The following GRK3 variants were observed in gnomAD, a reference collection of about 807,000 sequenced individuals.
GRK3 encodes the protein G protein-coupled receptor kinase 3.
Under a neutral mutation model 95.7 loss-of-function variants are expected in GRK3, and 54 were observed. That is an observed-to-expected ratio of 0.56 (90% CI 0.45 to 0.71). GRK3 has a LOEUF of 0.71. Ranked by LOEUF, GRK3 falls within the 30% of genes least tolerant of loss-of-function variation. GRK3 has a pLI of 0.00. For missense variants in GRK3, 649 were observed against 851.2 expected (o/e 0.76, Z 2.96); for synonymous variants, 281 against 290.8 (o/e 0.97, Z 0.34).
chr22:25,621,329 C>G (rs2084584655), intron 2 of GRK3, among the ~76,000 whole-genome samples: 1 of 152,196 alleles, frequency 6.6e-6, no homozygotes, highest in Non-Finnish European at 1.5e-5. Flanking sequence ...TTATGGGCAC[C>G]TTACTCACTT....
At chr22:25,642,492 T>C (rs761041994) in intron 2 of GRK3, among the ~76,000 whole-genome samples, 2 of 152,146 alleles carry the variant, frequency 1.3e-5, no homozygotes, top group Non-Finnish European at 2.9e-5. Context: ...GATGATCTTT[T>C]ATTTCTATGG....
At chr22:25,653,520 C>T (rs904970450) in intron 3 of GRK3, among the ~76,000 whole-genome samples, 1 of 152,110 alleles carries the variant, frequency 6.6e-6, no homozygotes, top group Non-Finnish European at 1.5e-5. Context: ...CAAAAATTGG[C>T]AGATATAAAA....
chr22:25,692,760 T>G (rs2085175237), intron 12 of GRK3, among the ~76,000 whole-genome samples: 1 of 152,264 alleles, frequency 6.6e-6, no homozygotes, highest in Non-Finnish European at 1.5e-5. Flanking sequence ...ACATGGCTGG[T>G]ATGCCATGGG....
chr22:25,710,236 A>G (rs983512891), intron 16 of GRK3, among the ~76,000 whole-genome samples: 1 of 152,252 alleles, frequency 6.6e-6, no homozygotes, highest in African/African-American at 2.4e-5. Context: ...ATCAACTAAT[A>G]AAAGGTAAAA....
At chr22:25,601,074 A>G (rs900416927) in intron 1 of GRK3, among the ~76,000 whole-genome samples, 3 of 152,212 alleles carry the variant, frequency 2.0e-5, no homozygotes. Flanking sequence ...GACGGTTTCA[A>G]CACTCCTCTC....
chr22:25,614,308 A>AT (rs1335547181), intron 2 of GRK3, among the ~76,000 whole-genome samples: 1 of 151,940 alleles, frequency 6.6e-6, no homozygotes, highest in Non-Finnish European at 1.5e-5. Flanking sequence ...TAATTTTTGT[A>AT]TTTTTTGTAG....
intron 3 of GRK3, among the ~76,000 whole-genome samples, chr22:25,654,819 A>AT (rs1391391783): frequency 6.6e-6 from 1 of 152,104 alleles, no homozygotes; most frequent in Non-Finnish European, 1.5e-5. Flanking sequence ...AACTTGAAGC[A>AT]TTGGTGTTTC....
intron 9 of GRK3, among the ~76,000 whole-genome samples, chr22:25,680,734 T>A (rs1357038114): frequency 6.6e-6 from 1 of 152,170 alleles, no homozygotes; most frequent in Non-Finnish European, 1.5e-5. Context: ...TTTTTAAAAT[T>A]TATAAATGCA....
At chr22:25,610,577 A>G (rs747521695) in intron 2 of GRK3, among the ~76,000 whole-genome samples, 2 of 152,184 alleles carry the variant, frequency 1.3e-5, no homozygotes, top group Non-Finnish European at 2.9e-5. Flanking sequence ...ACCACAATAC[A>G]ATTTAAAAAC....
At chr22:25,642,094 A>T (rs922486227) in intron 2 of GRK3, among the ~76,000 whole-genome samples, 1 of 152,250 alleles carries the variant, frequency 6.6e-6, no homozygotes, top group Non-Finnish European at 1.5e-5. Flanking sequence ...CAAATCTACA[A>T]TTACAAATGG....
At chr22:25,687,503 C>T (rs749682411) in intron 10 of GRK3, 34 bp from the exon 11 acceptor site, 1 of 1,607,746 alleles carries the variant, frequency 6.2e-7, no homozygotes, top group Non-Finnish European at 8.5e-7. Flanking sequence ...TTTAAATTAA[C>T]ATGCTTTGAA....
intron 1 of GRK3, among the ~76,000 whole-genome samples, chr22:25,596,204 AT>A (rs2084371462): frequency 6.6e-6 from 1 of 152,226 alleles, no homozygotes; most frequent in African/African-American, 2.4e-5. Context: ...AAGAGTATTC[AT>A]GGGGAAAAAT....
chr22:25,640,966 C>T (rs770794104), intron 2 of GRK3, among the ~76,000 whole-genome samples: 10 of 152,060 alleles, frequency 6.6e-5, no homozygotes, highest in Admixed American at 2.0e-4. Context: ...CATATTTTGC[C>T]CTAATCTAGG....
At chr22:25,677,417 A>G (rs1165038908) in intron 8 of GRK3, among the ~76,000 whole-genome samples, 2 of 151,350 alleles carry the variant, frequency 1.3e-5, no homozygotes, top group Non-Finnish European at 2.9e-5. Context: ...GGAAAAAAAA[A>G]GAAAAGAAAT....
At position 25,722,672 on chromosome 22, in the gene GRK3, A is replaced by T. The variant is rs2085442887; in HGVS notation, c.*222A>T. On this transcript the variant is annotated 3_prime_UTR_variant, in exon 21 of 21. Transcript: ENST00000324198. Reference sequence around the variant, plus strand: ...TAAAAGTTCTTTTTCTTTGCTACACACTTTGGTACCTATGAACCTAGAACT... The same window carrying T: ...TAAAAGTTCTTTTTCTTTGCTACACTCTTTGGTACCTATGAACCTAGAACT... 2.1e-6 allele frequency: 1 copy of T among 468,868 alleles called. No individual in the cohort carries two copies. Among genetic ancestry groups the T allele is most frequent in the Non-Finnish European group, 3.8e-6 (1 of 263,964 alleles). 29.0% of individuals were successfully genotyped at this position (468,868 alleles called of 1,614,324 possible). A position where few individuals can be genotyped will look rare whatever the true frequency, so the allele number is the denominator to read the frequency against.
intron 1 of GRK3, among the ~76,000 whole-genome samples, chr22:25,599,419 C>T (rs778037277): frequency 4.0e-5 from 6 of 151,758 alleles, no homozygotes; most frequent in Non-Finnish European, 8.8e-5. Context: ...GGTGAAACCC[C>T]GTCTCTACTA....
chr22:25,617,520 C>T (rs976893691), intron 2 of GRK3, among the ~76,000 whole-genome samples: 1 of 152,178 alleles, frequency 6.6e-6, no homozygotes, highest in African/African-American at 2.4e-5. Flanking sequence ...CTTTTTAAAA[C>T]AATTTAATTG....
At chr22:25,593,137 G>T (rs568532564) in intron 1 of GRK3, among the ~76,000 whole-genome samples, 28 of 144,936 alleles carry the variant, frequency 1.9e-4, no homozygotes, top group Non-Finnish European at 3.1e-4. Context: ...AGTGCATGTG[G>T]TTTTTTTTTT....
chr22:25,614,579 T>C (rs186589328), intron 2 of GRK3, among the ~76,000 whole-genome samples: 96 of 152,342 alleles, frequency 6.3e-4, no homozygotes, highest in African/African-American at 2.2e-3. Flanking sequence ...GTGAGTATTT[T>C]ATGTGCTGGT....
Sources: gnomAD v4.1 joint callset for allele counts (sites outside exome capture counted in the v4.1 genomes callset) on GRCh38, gnomAD v4.1.1 for gene constraint, MANE v1.5 for transcripts, NCBI Gene and HGNC (gene_info 2026-07-23, HGNC 2026-07-21) for gene names.